The following RSU1 variants were observed in gnomAD, a reference collection of about 807,000 sequenced individuals.
The protein encoded by RSU1 is Ras suppressor protein 1.
In RSU1, 26 loss-of-function variants were observed where a neutral mutation model predicts 31.1. The observed-to-expected ratio is 0.84, with a 90% CI of 0.61 to 1.16. The LOEUF (loss-of-function observed/expected upper bound fraction) is 1.16, where lower values mean the gene tolerates loss of function less well. RSU1 is among the 50% of genes most tolerant of loss of function. The pLI is 0.00. For synonymous variants in RSU1, 164 were observed against 136.3 expected (o/e 1.20, Z -1.41); for missense variants, 320 against 339.1 (o/e 0.94, Z 0.44).
At chr10:16,749,029 C>G (rs1459271998) in intron 7 of RSU1, among the ~76,000 whole-genome samples, 1 of 152,128 alleles carries the variant, frequency 6.6e-6, no homozygotes, top group Non-Finnish European at 1.5e-5. Context: ...GAGTAAGTGA[C>G]TCTTACTTTA....
At chr10:16,714,066 T>C (rs765687972) in intron 7 of RSU1, among the ~76,000 whole-genome samples, 1 of 152,118 alleles carries the variant, frequency 6.6e-6, no homozygotes, top group Admixed American at 6.5e-5. Context: ...GGGCTGAATA[T>C]GTATGGGTGT....
intron 2 of RSU1, among the ~76,000 whole-genome samples, chr10:16,783,450 A>C (rs1309962969): frequency 7.0e-6 from 1 of 142,130 alleles, no homozygotes; most frequent in African/African-American, 2.8e-5. Flanking sequence ...CCGCCTCCCA[A>C]GTTCAAGCGA....
At chr10:16,756,977 TGTG>T (rs1837101338) in intron 4 of RSU1, among the ~76,000 whole-genome samples, 1 of 148,452 alleles carries the variant, frequency 6.7e-6, no homozygotes, top group African/African-American at 2.5e-5. Flanking sequence ...ATGAGTGTGG[TGTG>T]GTGTGTGTAT....
chr10:16,799,339 A>G (rs1394506668), intron 2 of RSU1, among the ~76,000 whole-genome samples: 2 of 152,222 alleles, frequency 1.3e-5, no homozygotes, highest in African/African-American at 4.8e-5. Flanking sequence ...TAGAAAACTC[A>G]GGTCACAGGG....
intron 7 of RSU1, among the ~76,000 whole-genome samples, chr10:16,749,452 G>A (rs757128672): frequency 2.0e-5 from 3 of 152,058 alleles, no homozygotes; most frequent in Non-Finnish European, 2.9e-5. Context: ...CATTTATCTC[G>A]TGTATTCAGA....
chr10:16,602,212 C>T (rs1409180683), intron 8 of RSU1, among the ~76,000 whole-genome samples: 1 of 152,196 alleles, frequency 6.6e-6, no homozygotes, highest in Non-Finnish European at 1.5e-5. Context: ...CGGGATGTAT[C>T]AGGATCTCAT....
At chr10:16,678,841 A>G (rs1405296113) in intron 8 of RSU1, among the ~76,000 whole-genome samples, 1 of 152,094 alleles carries the variant, frequency 6.6e-6, no homozygotes, top group Non-Finnish European at 1.5e-5. Context: ...GGAATATTCC[A>G]TCCACTTACA....
chr10:16,706,121 T>C (rs1171220446), intron 7 of RSU1, among the ~76,000 whole-genome samples: 1 of 152,228 alleles, frequency 6.6e-6, no homozygotes, highest in African/African-American at 2.4e-5. Flanking sequence ...ACATATCTTT[T>C]TGAGACCATT....
At chr10:16,722,870 A>G (rs1241006570) in intron 7 of RSU1, among the ~76,000 whole-genome samples, 1 of 143,456 alleles carries the variant, frequency 7.0e-6, no homozygotes, top group Non-Finnish European at 1.5e-5. Context: ...ACATATATGT[A>G]TATATACACA....
At chr10:16,690,920 A>G (rs1489405752) in intron 8 of RSU1, among the ~76,000 whole-genome samples, 1 of 152,160 alleles carries the variant, frequency 6.6e-6, no homozygotes, top group Non-Finnish European at 1.5e-5. Flanking sequence ...ATAGACAAAT[A>G]CACATCCGCA....
In RSU1 at chr10:16,807,599, T is replaced by C. The variant is rs975601676; in HGVS notation, c.109+9374A>G. On this transcript the variant is annotated intron_variant, in intron 2 of 8. Coordinates refer to ENST00000345264, the MANE Select transcript of RSU1 (RefSeq NM_012425.4). ...GAAAGTGGGGAGGGTTCTGCTAATATTGATGGAGATTAAGTTGCTTCTTAT... is the reference window on the plus strand; with the variant it reads ...GAAAGTGGGGAGGGTTCTGCTAATACTGATGGAGATTAAGTTGCTTCTTAT... Among the ~76,000 whole-genome samples, 3 of 152,238 alleles carry C rather than the reference T, an allele frequency of 2.0e-5. No individual in the cohort carries two copies. The South Asian group carries it at 6.2e-4, about 32-fold the overall frequency.
At chr10:16,656,799 A>G (rs1245093333) in intron 8 of RSU1, among the ~76,000 whole-genome samples, 4 of 152,242 alleles carry the variant, frequency 2.6e-5, no homozygotes, top group African/African-American at 9.6e-5. Flanking sequence ...CATTTTATTC[A>G]GGGTTTTTAA....
At chr10:16,658,007 A>C (rs1834821272) in intron 8 of RSU1, among the ~76,000 whole-genome samples, 1 of 152,026 alleles carries the variant, frequency 6.6e-6, no homozygotes. Context: ...AATAATAAAA[A>C]ATTCTGTAAT....
At chr10:16,773,911 G>T (rs1837475208) in intron 3 of RSU1, among the ~76,000 whole-genome samples, 1 of 151,962 alleles carries the variant, frequency 6.6e-6, no homozygotes, top group Non-Finnish European at 1.5e-5. Flanking sequence ...CTAGAACAAA[G>T]AATAGATAGG....
intron 8 of RSU1, among the ~76,000 whole-genome samples, chr10:16,654,422 C>T (rs1165790482): frequency 6.8e-6 from 1 of 147,856 alleles, no homozygotes; most frequent in Non-Finnish European, 1.5e-5. Context: ...GTAATCCCAG[C>T]ACTTTGGGAG....
chr10:16,658,464 C>T (rs1834829500), intron 8 of RSU1, among the ~76,000 whole-genome samples: 1 of 152,170 alleles, frequency 6.6e-6, no homozygotes. Context: ...GGGCTCATGC[C>T]TGTAATCCCA....
At chr10:16,804,254 GAA>G (rs1242926811) in intron 2 of RSU1, among the ~76,000 whole-genome samples, 3 of 152,096 alleles carry the variant, frequency 2.0e-5, no homozygotes, top group Non-Finnish European at 4.4e-5. Flanking sequence ...ATTGCAAATG[GAA>G]ACAATGAGAT....
intron 2 of RSU1, among the ~76,000 whole-genome samples, chr10:16,811,271 ATTC>A (rs1450692876): frequency 6.6e-6 from 1 of 152,328 alleles, no homozygotes; most frequent in African/African-American, 2.4e-5. Flanking sequence ...GTGTAGGGAC[ATTC>A]TGGGAATGAC....
At chr10:16,740,356 T>C (rs1836725906) in intron 7 of RSU1, among the ~76,000 whole-genome samples, 1 of 152,154 alleles carries the variant, frequency 6.6e-6, no homozygotes, top group South Asian at 2.1e-4. Flanking sequence ...TTGTAAAATC[T>C]GACAAGGTTT....
Sources: allele counts gnomAD v4.1 joint callset (sites outside exome capture counted in the v4.1 genomes callset), GRCh38; gene constraint gnomAD v4.1.1; transcripts MANE v1.5; gene names NCBI Gene and HGNC (gene_info 2026-07-23, HGNC 2026-07-21).